The following PSMG2 variants were observed in gnomAD, a reference collection of about 807,000 sequenced individuals.
The protein encoded by PSMG2 is CD40 ligand-activated specific transcript 3.
PSMG2 carries 21 observed loss-of-function variants against 31.5 expected under a neutral mutation model. That is an observed-to-expected ratio of 0.67 (90% confidence interval 0.47 to 0.96). The LOEUF is 0.96. Ranked by LOEUF, PSMG2 falls within the 40% of genes least tolerant of loss-of-function variation. The pLI, the probability that PSMG2 is intolerant of heterozygous loss-of-function variation, is 0.00. For missense variants in PSMG2, 318 were observed against 321.2 expected, an observed-to-expected ratio of 0.99 and a Z score of 0.08; for synonymous variants, 120 against 110.4, an observed-to-expected ratio of 1.09 and a Z score of -0.54.
intron 1 of PSMG2, among the ~76,000 whole-genome samples, chr18:12,666,439 T>G (rs942411019): frequency 6.3e-4 from 93 of 148,214 alleles, no homozygotes; most frequent in Non-Finnish European, 8.4e-4. Context: ...TTTTATGGTT[T>G]TTTTTTTTTT....
At chr18:12,685,984 A>T (rs12957810) in intron 1 of PSMG2, 65,382 of 252,322 alleles carry the variant, frequency 0.26, 9,275 homozygotes, top group Non-Finnish European at 0.32. Context: ...ATATACTTTA[A>T]ATCACCTCTA....
At chr18:12,678,653 C>A (rs1385932087) in intron 1 of PSMG2, among the ~76,000 whole-genome samples, 1 of 152,024 alleles carries the variant, frequency 6.6e-6, no homozygotes, top group Non-Finnish European at 1.5e-5. Flanking sequence ...CTGTTAACAA[C>A]AGAATACATT....
At chr18:12,720,414 T>C (rs2040419998) in intron 4 of PSMG2, 96 bp from the exon 5 acceptor site, 1 of 988,178 alleles carries the variant, frequency 1.0e-6, no homozygotes, top group African/African-American at 1.6e-5. Context: ...GTGTTTTGCC[T>C]GTGCAGCAGA....
At chr18:12,725,200 T>G (rs1251710479) in intron 6 of PSMG2, among the ~76,000 whole-genome samples, 1 of 152,174 alleles carries the variant, frequency 6.6e-6, no homozygotes, top group Admixed American at 6.5e-5. Flanking sequence ...TTTTTGAATG[T>G]GATTTTCCCT....
intron 1 of PSMG2, among the ~76,000 whole-genome samples, chr18:12,661,108 G>C (rs368627048): frequency 6.6e-6 from 1 of 152,136 alleles, no homozygotes; most frequent in African/African-American, 2.4e-5. Flanking sequence ...AGGAGTTCGA[G>C]ACCAGCCTGG....
chr18:12,696,214 C>G (rs952114239), intron 1 of PSMG2, among the ~76,000 whole-genome samples: 3 of 152,062 alleles, frequency 2.0e-5, no homozygotes, highest in African/African-American at 7.2e-5. Flanking sequence ...TTATTAAAAT[C>G]TAAATTACTG....
intron 2 of PSMG2, among the ~76,000 whole-genome samples, chr18:12,709,161 T>C (rs889959080): frequency 4.6e-5 from 7 of 152,068 alleles, no homozygotes; most frequent in Non-Finnish European, 1.0e-4. Context: ...TTCTCCTGCC[T>C]CAGCCTCCTG....
intron 1 of PSMG2, among the ~76,000 whole-genome samples, chr18:12,704,972 T>C (rs1047666311): frequency 6.6e-6 from 1 of 152,116 alleles, no homozygotes; most frequent in Admixed American, 6.6e-5. Flanking sequence ...ATTAAAAGGA[T>C]ACTTGGGGGA....
At chr18:12,718,328 A>C (rs557685701) in intron 3 of PSMG2, among the ~76,000 whole-genome samples, 189 bp from the exon 4 acceptor site, 85 of 152,310 alleles carry the variant, frequency 5.6e-4, no homozygotes, top group African/African-American at 2.0e-3. Flanking sequence ...ATAAAGATAC[A>C]TTAGATAATT....
intron 1 of PSMG2, chr18:12,678,565 T>C (rs1426094757): frequency 1.6e-6 from 1 of 625,806 alleles, no homozygotes; most frequent in Non-Finnish European, 2.7e-6. Context: ...TTAATACTTG[T>C]TTTTCTTTTT....
intron 1 of PSMG2, among the ~76,000 whole-genome samples, chr18:12,669,738 C>T (rs999301799): frequency 1.1e-4 from 17 of 152,030 alleles, no homozygotes; most frequent in Admixed American, 7.2e-4. Context: ...TGGTGGCTCA[C>T]GCCTGTAATC....
intron 1 of PSMG2, chr18:12,686,120 G>T: frequency 7.7e-6 from 4 of 519,498 alleles, no homozygotes; most frequent in South Asian, 4.3e-5. Context: ...TCTGCAGTTG[G>T]TTGAATCTAC....
chr18:12,717,226 G>T (rs2145146893), intron 3 of PSMG2, among the ~76,000 whole-genome samples: 1 of 152,114 alleles, frequency 6.6e-6, no homozygotes, highest in South Asian at 2.1e-4. Context: ...TGGGATTACA[G>T]GAGTGAGCCA....
chr18:12,661,541 G>T (rs1345496131), intron 1 of PSMG2, among the ~76,000 whole-genome samples: 2 of 152,100 alleles, frequency 1.3e-5, no homozygotes, highest in Non-Finnish European at 1.5e-5. Flanking sequence ...GGAAGCCAAC[G>T]CAGGCAGATC....
At chr18:12,706,498 TAAAG>T in intron 1 of PSMG2, 48 bp from the exon 2 acceptor site, 1 of 1,580,364 alleles carries the variant, frequency 6.3e-7, no homozygotes, top group Non-Finnish European at 8.7e-7. Context: ...AAAAATAAAA[TAAAG>T]TGCTGCTAAT....
chr18:12,686,277 A>G, intron 1 of PSMG2: 1 of 1,613,300 alleles, frequency 6.2e-7, no homozygotes, highest in Non-Finnish European at 8.5e-7. Context: ...TTCTACAGAG[A>G]AAGGCCAGCA....
rs1361260551 is a variant in PSMG2, at chr18:12,671,087, A to C, written c.-37+12314A>C. Reference sequence around the variant, plus strand: ...TTTTTAAACAAATTGAATATTTATTATACATAAAAATAAAACAAAGTAGAT... The same window carrying C: ...TTTTTAAACAAATTGAATATTTATTCTACATAAAAATAAAACAAAGTAGAT... On this transcript the variant is annotated intron_variant, in intron 1 of 6. Coordinates refer to the PSMG2 transcript ENST00000585331. The C allele has an allele frequency of 3.3e-5, 5 of 151,382 alleles. No individual in the cohort carries two copies. In the South Asian group the frequency reaches 8.4e-4, roughly 25 times the overall value. 9.4% of individuals were successfully genotyped at this position (151,382 alleles called of 1,614,324 possible).
upstream of PSMG2, chr18:12,699,803 A>C: frequency 7.7e-7 from 1 of 1,295,338 alleles, no homozygotes; most frequent in Non-Finnish European, 1.1e-6. Flanking sequence ...ATTAACCACA[A>C]CTAAATTAAT....
chr18:12,705,084 A>G lies in PSMG2; in HGVS notation c.58-1466A>G, dbSNP rs182443966. 9.2e-3 allele frequency among the ~76,000 whole-genome samples: 1,386 copies of G among 149,862 alleles called. 10 individuals are homozygous for G. The highest frequency in any genetic ancestry group is 0.021 in the Middle Eastern group (6 of 290). On this transcript the variant is annotated intron_variant, in intron 1 of 6. Coordinates refer to ENST00000317615, the MANE Select transcript of PSMG2 (RefSeq NM_020232.5). Reference sequence around the variant, plus strand: ...TATTGAACTTTTTTTTTTTTTTGAGATGGAGTTTTGCTCTTTTTTGCCCAG... The same window carrying G: ...TATTGAACTTTTTTTTTTTTTTGAGGTGGAGTTTTGCTCTTTTTTGCCCAG...
Sources: allele counts gnomAD v4.1 joint callset (sites outside exome capture counted in the v4.1 genomes callset), GRCh38; gene constraint gnomAD v4.1.1; transcripts MANE v1.5; gene names NCBI Gene and HGNC (gene_info 2026-07-23, HGNC 2026-07-21).